The following BAZ1B variants were observed in gnomAD, a reference collection of about 807,000 sequenced individuals.
The protein encoded by BAZ1B is bromodomain adjacent to zinc finger domain 1B, also known as tyrosine-protein kinase BAZ1B.
In BAZ1B, 22 loss-of-function variants were observed where a neutral mutation model predicts 153.8. The observed-to-expected ratio is 0.14, with a 90% CI of 0.10 to 0.20. The LOEUF (loss-of-function observed/expected upper bound fraction) is 0.20. Ranked by LOEUF, BAZ1B falls within the 10% of genes least tolerant of loss-of-function variation. BAZ1B has a pLI of 1.00. For missense variants in BAZ1B, 1,325 were observed against 1,799.3 expected, an observed-to-expected ratio of 0.74 and a Z score of 4.77; for synonymous variants, 676 against 633.4, an observed-to-expected ratio of 1.07 and a Z score of -1.01.
intron 13 of BAZ1B, among the ~76,000 whole-genome samples, chr7:73,454,466 T>C (rs1034006387): frequency 2.0e-5 from 3 of 152,080 alleles, no homozygotes; most frequent in Non-Finnish European, 4.4e-5. Flanking sequence ...TCCAAAATTA[T>C]CTCCCCCATA....
intron 13 of BAZ1B, among the ~76,000 whole-genome samples, chr7:73,451,882 T>A (rs1291464617): frequency 6.6e-6 from 1 of 152,192 alleles, no homozygotes; most frequent in African/African-American, 2.4e-5. Flanking sequence ...ATAACCCAAA[T>A]CTTTTCAATG....
chr7:73,461,392 G>A (rs997754682), intron 12 of BAZ1B, among the ~76,000 whole-genome samples: 2 of 152,142 alleles, frequency 1.3e-5, no homozygotes, highest in South Asian at 2.1e-4. Context: ...AGAAGATAAC[G>A]TTTTAATAGT....
intron 7 of BAZ1B, among the ~76,000 whole-genome samples, chr7:73,475,230 C>A (rs1554572586): frequency 6.6e-6 from 1 of 152,140 alleles, no homozygotes; most frequent in East Asian, 1.9e-4. Context: ...GGTATTTACT[C>A]TAAAGAAATT....
At chr7:73,463,123 T>C in intron 11 of BAZ1B, 24 bp from the exon 12 acceptor site, 3 of 1,566,728 alleles carry the variant, frequency 1.9e-6, no homozygotes, top group Non-Finnish European at 2.6e-6. Context: ...GACAAGAGAA[T>C]GGGGAAAGAA....
rs1017180417 is a variant in BAZ1B at position 73,521,651 on chromosome 7, C to A, written c.107+176G>T. 8.6e-5 allele frequency among the ~76,000 whole-genome samples: 13 copies of A among 151,502 alleles called. 1 individual carries two copies. The South Asian group carries it at 1.2e-3, about 15-fold the overall frequency. ...GGCCGGTGCGCGCCCCCCGCCGGAT[C>A]CCCTGGAAGGATCGGCGGGCGCAGG... On this transcript the variant is annotated intron_variant, in intron 1 of 19. Transcript: ENST00000339594.
At chr7:73,511,633 A>T (rs573223906) in intron 1 of BAZ1B, among the ~76,000 whole-genome samples, 1 of 152,178 alleles carries the variant, frequency 6.6e-6, no homozygotes, top group Non-Finnish European at 1.5e-5. Context: ...CCAAAAACTC[A>T]TAAGAAAAAG....
intron 13 of BAZ1B, among the ~76,000 whole-genome samples, chr7:73,453,512 G>A (rs1406852739): frequency 2.6e-5 from 4 of 152,138 alleles, no homozygotes; most frequent in Non-Finnish European, 5.9e-5. Flanking sequence ...CGTGACTCTT[G>A]GACAGATCAC....
rs1787787655 is a variant in BAZ1B, at chr7:73,445,239, C to T, written c.3845-1110G>A. ...TAGGAAGGCAGTGACACGAATAATC[C>T]AGAAACACTACTTTCCATTCTATTT... On this transcript the variant is annotated intron_variant, in intron 16 of 19. Transcript: ENST00000339594. 1.3e-5 allele frequency among the ~76,000 whole-genome samples: 2 copies of T among 152,128 alleles called. 1 individual carries two copies. Among genetic ancestry groups the T allele is most frequent in the African/African-American group, 4.8e-5 (2 of 41,386 alleles).
At chr7:73,455,770 C>CTGT (rs1343263096) in intron 13 of BAZ1B, among the ~76,000 whole-genome samples, 52 of 152,224 alleles carry the variant, frequency 3.4e-4, no homozygotes, top group African/African-American at 1.2e-3. Flanking sequence ...ACAGTAGAGA[C>CTGT]CCGTTTCTAA....
At chr7:73,447,188 T>C (rs1157839285) in intron 16 of BAZ1B, 76 bp downstream of exon 16, 1 of 1,611,162 alleles carries the variant, frequency 6.2e-7, no homozygotes, top group Non-Finnish European at 8.5e-7. Context: ...CACTACCTAC[T>C]GCCAAGCCAG....
chr7:73,509,166 A>T (rs1790472165), intron 2 of BAZ1B, among the ~76,000 whole-genome samples: 1 of 149,314 alleles, frequency 6.7e-6, no homozygotes, highest in Non-Finnish European at 1.5e-5. Flanking sequence ...TACTCAAAAT[A>T]CAAGAATTAG....
intron 9 of BAZ1B, among the ~76,000 whole-genome samples, chr7:73,469,145 A>AAAG (rs1401052815): frequency 8.6e-5 from 13 of 151,718 alleles, no homozygotes; most frequent in South Asian, 2.1e-4. Context: ...AAAAAAAAAA[A>AAAG]AAGAAGAAGA....
chr7:73,477,063 C>G lies in BAZ1B; in HGVS notation c.2398G>C (p.Glu800Gln). 5 of 1,614,150 alleles carry G rather than the reference C, an allele frequency of 3.1e-6. No homozygotes were observed. Among genetic ancestry groups the G allele is most frequent in the Non-Finnish European group, 4.2e-6 (5 of 1,180,030 alleles). Reference protein sequence around the residue: ...KKRAEKQKRKEMEAKNKENGK... With the variant: ...KKRAEKQKRKQMEAKNKENGK... ...TTTTCTTTATTTTTGGCTTCCATTT[C>G]TTTCCGTTTCTGTTTCTCTGCTCTC... The change falls in exon 7 of 20, where the codon GAA becomes CAA. Residue 800 changes from glutamate to glutamine, a missense_variant. Physicochemically the swap from Glu to Gln is conservative, Grantham distance 29 (BLOSUM62 2). Transcript: ENST00000339594. The surrounding 1 kb of genome is among the most constrained non-coding windows in gnomAD (Gnocchi z 5.6).
chr7:73,485,818 G>A (rs1554574409), intron 6 of BAZ1B, among the ~76,000 whole-genome samples: 1 of 152,128 alleles, frequency 6.6e-6, no homozygotes. Flanking sequence ...ATGCCTTAAA[G>A]TATTATTTTC....
In BAZ1B at chr7:73,443,968, G is replaced by A. The variant is rs375754961; in HGVS notation, c.3990+16C>T. ...GAAACAGAAAGGTTAGAGAAGGGAT[G>A]ATAAATAATTCTCACCAGCTCATCC... On this transcript the variant is annotated intron_variant, in intron 17 of 19. Coordinates refer to ENST00000339594, the MANE Select transcript of BAZ1B (RefSeq NM_032408.4). 18 of 1,613,178 alleles carry A rather than the reference G, an allele frequency of 1.1e-5. No homozygotes were observed. The highest frequency in any genetic ancestry group is 8.0e-5 in the African/African-American group (6 of 74,892).
At chr7:73,443,580 A>G (rs1269903215) in intron 17 of BAZ1B, among the ~76,000 whole-genome samples, 1 of 152,180 alleles carries the variant, frequency 6.6e-6, no homozygotes, top group South Asian at 2.1e-4. Flanking sequence ...CTAAAATTAC[A>G]TTGGTTAAGG....
rs1234863054 is a variant in BAZ1B, at chr7:73,449,396, A to G, written c.3728+146T>C. On this transcript the variant is annotated intron_variant, in intron 15 of 19. Transcript: ENST00000339594. Reference sequence around the variant, plus strand: ...TTAGCTCAGAGTCCTTTGAGCTCCTATTGAAGTACTGTAAATGATCAGGCT... The same window carrying G: ...TTAGCTCAGAGTCCTTTGAGCTCCTGTTGAAGTACTGTAAATGATCAGGCT... 4.2e-6 allele frequency: 4 copies of G among 951,656 alleles called. No homozygotes were observed. In the African/African-American group the frequency reaches 6.8e-5, roughly 16 times the overall value. The allele number at this position is 951,656 out of a possible 1,614,324, so 59.0% of individuals were successfully genotyped here.
At position 73,476,892 on chromosome 7, in the gene BAZ1B, C is replaced by T; in HGVS notation, c.2569G>A (p.Glu857Lys). 2 of 1,598,730 alleles carry T rather than the reference C, an allele frequency of 1.3e-6. No homozygotes were observed. The highest frequency in any genetic ancestry group is 8.5e-7 in the Non-Finnish European group (1 of 1,174,984). The change falls in exon 7 of 20, where the codon GAA becomes AAA. Residue 857 changes from glutamate to lysine, a missense_variant. By Grantham distance (56) the Glu-to-Lys change is moderately conservative. Coordinates refer to ENST00000339594, the MANE Select transcript of BAZ1B (RefSeq NM_032408.4). ...CCTTTCATTTCTCTTTCCTGGATTT[C>T]CCGTTCCTTCTTAGCTTGAATGGCA... Reference protein sequence around the residue: ...LLAIQAKKEREIQEREMKVKL... With the variant: ...LLAIQAKKERKIQEREMKVKL...
At chr7:73,465,794 C>G (rs782776798) in intron 10 of BAZ1B, among the ~76,000 whole-genome samples, 15 of 152,116 alleles carry the variant, frequency 9.9e-5, no homozygotes, top group Non-Finnish European at 1.8e-4. Flanking sequence ...AATTGGCATA[C>G]TTGTCCCTTT....
Sources: gnomAD v4.1 joint callset for allele counts (sites outside exome capture counted in the v4.1 genomes callset) on GRCh38, gnomAD v4.1.1 for gene constraint, Gnocchi (gnomAD v3.1) non-coding constraint, MANE v1.5 for transcripts, NCBI Gene and HGNC (gene_info 2026-07-23, HGNC 2026-07-21) for gene names.